The following COL5A2 variants were observed in gnomAD, a reference collection of about 807,000 sequenced individuals.
COL5A2 encodes collagen type V alpha 2 chain.
COL5A2 carries 23 observed loss-of-function variants against 208.2 expected under a neutral mutation model. The observed-to-expected ratio is 0.11, with a 90% CI of 0.08 to 0.16. The LOEUF (loss-of-function observed/expected upper bound fraction) is 0.16, where lower values mean the gene tolerates loss of function less well. COL5A2 is among the 10% of genes least tolerant of loss of function. The probability of loss-of-function intolerance (pLI) is 1.00; values close to 1 mark genes in which losing one functional copy is unlikely to be tolerated. For missense variants in COL5A2, 1,590 were observed against 1,956.4 expected (o/e 0.81, Z 3.53); for synonymous variants, 625 against 628.5 (o/e 0.99, Z 0.08).
the COL5A2 span, among the ~76,000 whole-genome samples, chr2:189,357,100 C>T: frequency 6.6e-6 from 1 of 152,218 alleles, no homozygotes; most frequent in East Asian, 1.9e-4. Flanking sequence ...GTTCCTTCCT[C>T]TGGAAGCTTT....
intron 53 of COL5A2, 32 bp from the exon 54 acceptor site, chr2:189,034,248 A>G (rs1010648766): frequency 1.2e-6 from 2 of 1,613,218 alleles, no homozygotes; most frequent in South Asian, 2.2e-5. Flanking sequence ...GGTTAAATGT[A>G]CATACAATTT....
the COL5A2 span, among the ~76,000 whole-genome samples, chr2:189,344,190 T>C: frequency 6.6e-6 from 1 of 152,210 alleles, no homozygotes; most frequent in Non-Finnish European, 1.5e-5. Context: ...TAAAAACTCA[T>C]TGTTTTATGA....
At chr2:189,394,345 T>C in the COL5A2 span, among the ~76,000 whole-genome samples, 1 of 152,168 alleles carries the variant, frequency 6.6e-6, no homozygotes, top group African/African-American at 2.4e-5. Flanking sequence ...TGAATGTTTG[T>C]GTCCCCCAGA....
the COL5A2 span, among the ~76,000 whole-genome samples, chr2:189,260,628 G>A: frequency 6.6e-6 from 1 of 152,192 alleles, no homozygotes; most frequent in South Asian, 2.1e-4. Context: ...CAAAAATAAA[G>A]TCGGGTTTTT....
chr2:189,399,928 T>C, the COL5A2 span, among the ~76,000 whole-genome samples: 2 of 152,162 alleles, frequency 1.3e-5, no homozygotes, highest in Non-Finnish European at 2.9e-5. Context: ...CCCAAACTCC[T>C]GGGCTCAAGC....
At chr2:189,069,568 A>T (rs1310221683) in intron 18 of COL5A2, among the ~76,000 whole-genome samples, 1 of 152,192 alleles carries the variant, frequency 6.6e-6, no homozygotes, top group Non-Finnish European at 1.5e-5. Flanking sequence ...AATTTACTAC[A>T]AAATTAAAGC....
chr2:189,394,767 T>C, the COL5A2 span, among the ~76,000 whole-genome samples: 2 of 152,104 alleles, frequency 1.3e-5, no homozygotes, highest in South Asian at 4.1e-4. Flanking sequence ...CACAATGAAA[T>C]AGAAAAAAGG....
chr2:189,207,791 A>C (rs533639048), intron 1 of COL5A2, among the ~76,000 whole-genome samples: 6 of 152,274 alleles, frequency 3.9e-5, no homozygotes, highest in Non-Finnish European at 8.8e-5. Context: ...TCCAGTGCAA[A>C]AATCTGTATG....
chr2:189,289,306 A>T, the COL5A2 span, among the ~76,000 whole-genome samples: 1 of 152,142 alleles, frequency 6.6e-6, no homozygotes, highest in Non-Finnish European at 1.5e-5. Flanking sequence ...GTGCCACTGC[A>T]CTCCAGCCTG....
intron 2 of COL5A2, 91 bp from the exon 3 acceptor site, chr2:189,104,368 T>C: frequency 1.1e-6 from 1 of 952,090 alleles, no homozygotes; most frequent in Non-Finnish European, 1.7e-6. Context: ...AGATTTCTTC[T>C]GGAGTCAGAA....
chr2:189,060,282 A>C (rs563278100), intron 31 of COL5A2, among the ~76,000 whole-genome samples: 2 of 152,318 alleles, frequency 1.3e-5, no homozygotes, highest in East Asian at 3.9e-4. Flanking sequence ...CAAGGTCCAA[A>C]TCCATTTTGT....
the COL5A2 span, among the ~76,000 whole-genome samples, chr2:189,372,880 A>G: frequency 6.6e-6 from 1 of 152,276 alleles, no homozygotes; most frequent in Non-Finnish European, 1.5e-5. Context: ...TTCTGTTTGT[A>G]GGCTTTTATT....
intron 6 of COL5A2, 93 bp downstream of exon 6, chr2:189,097,184 G>T: frequency 1.7e-6 from 2 of 1,176,896 alleles, no homozygotes; most frequent in Non-Finnish European, 2.6e-6. Flanking sequence ...GGTGAAAGAG[G>T]AATAGTGCTC....
chr2:189,345,338 A>G, the COL5A2 span, among the ~76,000 whole-genome samples: 4 of 152,332 alleles, frequency 2.6e-5, no homozygotes, highest in Non-Finnish European at 5.9e-5. Flanking sequence ...CTGGACATAA[A>G]GATCTGGAGT....
intron 31 of COL5A2, 63 bp downstream of exon 31, chr2:189,060,667 A>AT: frequency 7.3e-7 from 1 of 1,372,504 alleles, no homozygotes; most frequent in Non-Finnish European, 1.0e-6. Context: ...AGCCTCACAC[A>AT]TAAAAAGTGA....
intron 1 of COL5A2, among the ~76,000 whole-genome samples, chr2:189,114,647 A>G (rs986896556): frequency 1.3e-5 from 2 of 150,914 alleles, no homozygotes; most frequent in African/African-American, 4.9e-5. Context: ...AAAAAAAAAA[A>G]AATGTTTCTT....
chr2:189,179,621 TG>T lies in COL5A2; in HGVS notation c.-18del. 6.3e-7 allele frequency: 1 copy of T among 1,593,550 alleles called. No homozygotes were observed. The highest frequency in any genetic ancestry group is 2.2e-5 in the East Asian group (1 of 44,594). On this transcript the variant is annotated 5_prime_UTR_variant, in exon 1 of 54. Transcript: ENST00000374866. ...TGCCATCATGTCTAAATATTAGACATGTGGGTTCTCCTGAGAGTGAAAAGTA... is the reference window on the plus strand; with the variant it reads ...TGCCATCATGTCTAAATATTAGACATTGGGTTCTCCTGAGAGTGAAAAGTA...
intron 1 of COL5A2, 24 bp from the exon 2 acceptor site, chr2:189,110,473 G>T (rs778492739): frequency 1.4e-5 from 22 of 1,591,332 alleles, no homozygotes; most frequent in Non-Finnish European, 9.5e-6. Context: ...AGAAAGAAGA[G>T]GTTAGTAATC....
At chr2:189,308,648 A>G in the COL5A2 span, among the ~76,000 whole-genome samples, 22 of 152,228 alleles carry the variant, frequency 1.4e-4, no homozygotes, top group Non-Finnish European at 2.6e-4. Context: ...TGGTCTCCAC[A>G]ACCCCTTATC....
Sources: allele counts gnomAD v4.1 joint callset (sites outside exome capture counted in the v4.1 genomes callset), GRCh38; gene constraint gnomAD v4.1.1; transcripts MANE v1.5; gene names NCBI Gene and HGNC (gene_info 2026-07-23, HGNC 2026-07-21).